The following SOX5 variants were observed in gnomAD, a reference collection of about 807,000 sequenced individuals.
The protein encoded by SOX5 is transcription factor SOX-5.
Under a neutral mutation model 92.0 loss-of-function variants are expected in SOX5, and 9 were observed. That is an observed-to-expected ratio of 0.10 (90% CI 0.06 to 0.17). The LOEUF is 0.17. Among genes scored for constraint, SOX5 ranks in the 10% least tolerant of loss-of-function variants. The pLI, the probability that SOX5 is intolerant of heterozygous loss-of-function variation, is 1.00. For missense variants in SOX5, 642 were observed against 944.5 expected (o/e 0.68, Z 4.20); for synonymous variants, 344 against 336.3 (o/e 1.02, Z -0.25).
chr12:24,269,533 A>C (rs557708222), intron 3 of SOX5, among the ~76,000 whole-genome samples: 23 of 152,236 alleles, frequency 1.5e-4, no homozygotes, highest in Non-Finnish European at 1.6e-4. Flanking sequence ...CCTTTTTGTG[A>C]CTATTATTGA....
chr12:23,561,024 C>T (rs1006723018), intron 11 of SOX5, among the ~76,000 whole-genome samples: 2 of 152,042 alleles, frequency 1.3e-5, no homozygotes, highest in African/African-American at 4.8e-5. Flanking sequence ...CTTAAAAACT[C>T]CTAAATTATA....
intron 3 of SOX5, among the ~76,000 whole-genome samples, chr12:24,242,136 A>C (rs1042218305): frequency 6.6e-6 from 1 of 152,216 alleles, no homozygotes; most frequent in Non-Finnish European, 1.5e-5. Context: ...AGATTTGCAC[A>C]GAATAATAAA....
chr12:24,054,350 T>C (rs1336061715), intron 4 of SOX5, among the ~76,000 whole-genome samples: 2 of 152,194 alleles, frequency 1.3e-5, no homozygotes, highest in Non-Finnish European at 2.9e-5. Context: ...CTGGACTATT[T>C]TCTACTTATC....
rs765221581 is a variant in SOX5 at position 24,177,124 on chromosome 12, C to CT, written c.-2+36218dup. ...AACAAAATAACAGCATTGCTTGGGCCTTTCTTATGGGCTAAGGGATTATTA... is the reference window on the plus strand; with the variant it reads ...AACAAAATAACAGCATTGCTTGGGCCTTTTCTTATGGGCTAAGGGATTATTA... On this transcript the variant is annotated intron_variant, in intron 4 of 4. Transcript: ENST00000446891. Among the ~76,000 whole-genome samples, 26 of 152,076 alleles carry CT rather than the reference C, an allele frequency of 1.7e-4. No individual in the cohort carries two copies. In the South Asian group the frequency reaches 5.0e-3, roughly 29 times the overall value.
At chr12:23,630,974 T>C (rs1277285639) in intron 8 of SOX5, among the ~76,000 whole-genome samples, 1 of 152,052 alleles carries the variant, frequency 6.6e-6, no homozygotes, top group African/African-American at 2.4e-5. Flanking sequence ...TGTGTATCTA[T>C]ACATAATTAA....
In SOX5 at chr12:23,604,475, C is replaced by A; in HGVS notation, c.1076G>T (p.Gly359Val). The A allele has an allele frequency of 1.9e-6, 3 of 1,613,788 alleles. No individual in the cohort carries two copies. Among genetic ancestry groups the A allele is most frequent in the Non-Finnish European group, 2.5e-6 (3 of 1,179,814 alleles). ...MQVSPGGKLP[G>V]IPQGNLGAAV... is the part of the protein sequence containing the mutation. ...AGCACCAAGGTTGCCTTGGGGTATGCCTGGCAGCTTCCCTCCTGGAGATAC... is the reference window on the plus strand; with the variant it reads ...AGCACCAAGGTTGCCTTGGGGTATGACTGGCAGCTTCCCTCCTGGAGATAC... The change falls in exon 9 of 15, where the codon GGC becomes GTC. Residue 359 changes from glycine (G) to valine (V), a missense_variant. Transcript: ENST00000451604.
intron 2 of SOX5, among the ~76,000 whole-genome samples, chr12:24,339,533 T>C (rs1205835488): frequency 6.6e-6 from 1 of 152,144 alleles, no homozygotes; most frequent in Non-Finnish European, 1.5e-5. Flanking sequence ...GGGGACTTAT[T>C]CTCAGTGCAC....
chr12:23,869,026 T>C (rs1333578880), intron 2 of SOX5, among the ~76,000 whole-genome samples: 2 of 152,156 alleles, frequency 1.3e-5, no homozygotes, highest in African/African-American at 4.8e-5. Context: ...CCCATTCTTA[T>C]AGGCTGCGTA....
chr12:23,907,217 G>A (rs1223278048), intron 1 of SOX5, among the ~76,000 whole-genome samples: 1 of 152,094 alleles, frequency 6.6e-6, no homozygotes, highest in Non-Finnish European at 1.5e-5. Flanking sequence ...CAGAGAGAGA[G>A]AGACAAAAAG....
chr12:24,046,841 G>A (rs753664761), intron 4 of SOX5, among the ~76,000 whole-genome samples: 15 of 116,836 alleles, frequency 1.3e-4, no homozygotes, highest in Admixed American at 1.0e-4. Flanking sequence ...CACCATGCCC[G>A]GCTAACTTTT....
intron 7 of SOX5, among the ~76,000 whole-genome samples, chr12:23,648,072 G>A (rs2081096883): frequency 6.6e-6 from 1 of 152,120 alleles, no homozygotes; most frequent in Non-Finnish European, 1.5e-5. Flanking sequence ...CCCATCTTAT[G>A]TGGGTGCAGT....
chr12:23,887,258 CCT>C (rs2097077929), intron 2 of SOX5, among the ~76,000 whole-genome samples: 1 of 152,028 alleles, frequency 6.6e-6, no homozygotes, highest in African/African-American at 2.4e-5. Context: ...ATTCTCCTAC[CCT>C]GTCTTCCTTT....
intron 4 of SOX5, among the ~76,000 whole-genome samples, chr12:24,193,588 C>A (rs1459241402): frequency 1.3e-5 from 2 of 152,220 alleles, no homozygotes; most frequent in African/African-American, 4.8e-5. Flanking sequence ...ATGCTATGCA[C>A]TCTCTTTGAG....
chr12:24,450,368 A>G (rs1362585910), intron 1 of SOX5, among the ~76,000 whole-genome samples: 1 of 152,218 alleles, frequency 6.6e-6, no homozygotes, highest in African/African-American at 2.4e-5. Context: ...CATAGCAGGT[A>G]TATATATTTA....
intron 1 of SOX5, among the ~76,000 whole-genome samples, chr12:24,539,848 G>A (rs2138782021): frequency 6.6e-6 from 1 of 152,160 alleles, no homozygotes; most frequent in Admixed American, 6.5e-5. Context: ...TGACCGCAGA[G>A]TTCTTAAAAT....
chr12:23,685,969 A>G (rs1025195295), intron 6 of SOX5, among the ~76,000 whole-genome samples: 6 of 152,170 alleles, frequency 3.9e-5, no homozygotes, highest in African/African-American at 1.4e-4. Flanking sequence ...CTCCTAAATA[A>G]AAATTCAATA....
At chr12:24,547,142 G>A (rs970553706) in intron 1 of SOX5, among the ~76,000 whole-genome samples, 7 of 150,742 alleles carry the variant, frequency 4.6e-5, no homozygotes, top group East Asian at 3.9e-4. Flanking sequence ...TATAGTATAA[G>A]AGAGCCAAAT....
At chr12:23,620,334 T>C (rs73091336) in intron 8 of SOX5, among the ~76,000 whole-genome samples, 12,680 of 152,164 alleles carry the variant, frequency 0.083, 702 homozygotes, top group Non-Finnish European at 0.12. Context: ...TTCTACAAGA[T>C]TAGTCTAGAC....
At chr12:24,040,104 A>T (rs1956376909) in intron 4 of SOX5, among the ~76,000 whole-genome samples, 1 of 152,192 alleles carries the variant, frequency 6.6e-6, no homozygotes, top group South Asian at 2.1e-4. Flanking sequence ...TGGTTCAATT[A>T]TGTTAACATT....
Sources: allele counts gnomAD v4.1 joint callset (sites outside exome capture counted in the v4.1 genomes callset), GRCh38; gene constraint gnomAD v4.1.1; transcripts MANE v1.5; gene names NCBI Gene and HGNC (gene_info 2026-07-23, HGNC 2026-07-21).